TASOR2: variants seen among roughly 807,000 people sequenced by gnomAD.
The protein encoded by TASOR2 is protein TASOR 2.
A neutral mutation model predicts 199.5 loss-of-function variants in TASOR2; 84 were observed. The ratio of observed to expected loss-of-function variants is 0.42; its 90% confidence interval spans 0.35 to 0.50. The LOEUF is 0.50. TASOR2 is among the 20% of genes least tolerant of loss of function. The pLI is 0.02. For synonymous variants in TASOR2, 1,103 were observed against 1,046.6 expected (o/e 1.05, Z -1.04); for missense variants, 2,796 against 2,835.9 (o/e 0.99, Z 0.32).
Position 5,723,737 on chromosome 10 carries a change from A to G in TASOR2, c.207A>G (p.Pro69=), listed in dbSNP as rs781751729. 1.9e-6 allele frequency: 3 copies of G among 1,605,810 alleles called. No individual in the cohort carries two copies. The South Asian group carries it at 3.3e-5, about 18-fold the overall frequency. Residue 69 remains proline (P), a synonymous_variant, in exon 7 of 21, where the codon CCA becomes CCG. Transcript: ENST00000328090. Reference sequence around the variant, plus strand: ...TGTCTTCCTTGAAAAAAAGACTACCAGAGGCTGCCTTCAGAAAACAGAATT... The same window carrying G: ...TGTCTTCCTTGAAAAAAAGACTACCGGAGGCTGCCTTCAGAAAACAGAATT...
intron 17 of TASOR2, among the ~76,000 whole-genome samples, chr10:5,758,607 C>T (rs903305813): frequency 1.3e-5 from 2 of 152,192 alleles, no homozygotes; most frequent in Non-Finnish European, 2.9e-5. Context: ...TCTCTTCTGT[C>T]ACACAATTTG....
At chr10:5,707,778 C>A (rs1831309546) in intron 1 of TASOR2, among the ~76,000 whole-genome samples, 1 of 137,780 alleles carries the variant, frequency 7.3e-6, no homozygotes, top group Non-Finnish European at 1.5e-5. Context: ...ACACACACTT[C>A]TTCTGAACCA....
At chr10:5,734,588 A>ATAGT (rs1835293475) in intron 11 of TASOR2, among the ~76,000 whole-genome samples, 3 of 152,134 alleles carry the variant, frequency 2.0e-5, no homozygotes, top group South Asian at 4.1e-4. Flanking sequence ...CAGTGTGGTT[A>ATAGT]TAGTTTTAAC....
intron 11 of TASOR2, among the ~76,000 whole-genome samples, chr10:5,732,310 G>C (rs549238323): frequency 6.6e-6 from 1 of 152,250 alleles, no homozygotes; most frequent in South Asian, 2.1e-4. Context: ...GGGGCCACTC[G>C]GTTGTGCCTG....
chr10:5,691,912 T>G (rs1380329890), intron 1 of TASOR2, among the ~76,000 whole-genome samples: 1 of 152,210 alleles, frequency 6.6e-6, no homozygotes. Context: ...GCATGTTGGC[T>G]CACGCCTGTA....
At chr10:5,716,214 T>G (rs1832609677) in intron 2 of TASOR2, among the ~76,000 whole-genome samples, 1 of 152,226 alleles carries the variant, frequency 6.6e-6, no homozygotes, top group Admixed American at 6.5e-5. Context: ...AATGTTATAT[T>G]ATACAATGGT....
At chr10:5,728,924 TG>T (rs201170567) in intron 10 of TASOR2, among the ~76,000 whole-genome samples, 3,091 of 149,968 alleles carry the variant, frequency 0.021, 68 homozygotes, top group African/African-American at 0.05. Flanking sequence ...ATTTTATTTT[TG>T]TTTTTTAGTT....
At chr10:5,756,630 A>C (rs1588923272) in exon 16 of TASOR2, 3 of 1,613,444 alleles carry the variant, frequency 1.9e-6, no homozygotes, top group East Asian at 2.2e-5. Flanking sequence ...TGAGGAAAGG[A>C]GGCCATACAG....
intron 1 of TASOR2, among the ~76,000 whole-genome samples, chr10:5,688,357 G>A (rs1836021709): frequency 6.6e-6 from 1 of 151,100 alleles, no homozygotes; most frequent in South Asian, 2.1e-4. Flanking sequence ...GAGTAACTAG[G>A]GCTACAGGCA....
intron 1 of TASOR2, among the ~76,000 whole-genome samples, chr10:5,697,083 C>T (rs988996737): frequency 6.6e-6 from 1 of 152,138 alleles, no homozygotes; most frequent in Non-Finnish European, 1.5e-5. Flanking sequence ...AAGAAGGTGA[C>T]TTTCTAGGTT....
intron 6 of TASOR2, 45 bp downstream of exon 7, chr10:5,721,015 G>T: frequency 6.7e-7 from 1 of 1,499,686 alleles, no homozygotes. Context: ...TATATTACAA[G>T]TTTTGGGGTT....
intron 1 of TASOR2, among the ~76,000 whole-genome samples, chr10:5,691,855 A>G (rs1276170905): frequency 4.6e-5 from 7 of 152,084 alleles, no homozygotes; most frequent in African/African-American, 1.7e-4. Context: ...ATTGGTATCA[A>G]TTTTCCTGAA....
At position 5,731,067 on chromosome 10, in the gene TASOR2, C is replaced by T. The variant is rs549335560; in HGVS notation, c.1068C>T (p.Pro356=). ...AGCCTAAGAGGAAGGCCAGCATGCC[C>T]CACATGGTGCAGAGTAAAAAGGTGA... Residue 356 remains proline (P), a synonymous_variant, in exon 11 of 21, where the codon CCC becomes CCT. Transcript: ENST00000328090. The T allele has an allele frequency of 2.7e-5, 44 of 1,614,042 alleles. No individual in the cohort carries two copies. In the South Asian group the frequency reaches 4.3e-4, roughly 16 times the overall value.
rs1836351794 is a variant in TASOR2 at position 5,690,995 on chromosome 10, A to G, written c.-288+5820A>G. 6.6e-6 allele frequency among the ~76,000 whole-genome samples: 1 copy of G among 152,148 alleles called. No homozygotes were observed. Among genetic ancestry groups the G allele is most frequent in the Non-Finnish European group, 1.5e-5 (1 of 68,028 alleles). The stretch of plus-strand genomic sequence containing the variant: ...ATCACAAGGTCAGGAGATCGAGACC[A>G]TCCTGGCCAACATGGTGAAACCCTG... On this transcript the variant is annotated intron_variant, in intron 1 of 20. Transcript: ENST00000328090. The surrounding 1 kb of genome is among the most constrained non-coding windows in gnomAD (Gnocchi z 4.8).
chr10:5,691,284 A>T (rs1250153703), intron 1 of TASOR2, among the ~76,000 whole-genome samples: 3 of 152,146 alleles, frequency 2.0e-5, no homozygotes, highest in Non-Finnish European at 4.4e-5. Context: ...AGGAGGAAAA[A>T]AATTGTGGTG....
chr10:5,697,932 A>G (rs909947659), intron 1 of TASOR2, among the ~76,000 whole-genome samples: 2 of 152,194 alleles, frequency 1.3e-5, no homozygotes, highest in African/African-American at 4.8e-5. Flanking sequence ...TGAAGATATA[A>G]TTCACATGCC....
Position 5,685,860 on chromosome 10 carries a change from A to G in TASOR2, c.-288+685A>G, listed in dbSNP as rs1431820532. Among the ~76,000 whole-genome samples the G allele has an allele frequency of 6.6e-6, 1 of 152,214 alleles. No individual in the cohort carries two copies. The highest frequency in any genetic ancestry group is 1.5e-5 in the Non-Finnish European group (1 of 68,036). On this transcript the variant is annotated intron_variant, in intron 1 of 20. Transcript: ENST00000328090. The surrounding 1 kb of genome is among the most constrained non-coding windows in gnomAD (Gnocchi z 5.4). ...AAACAAACCACGCTTACTCTTCCTT[A>G]TTCTCCCTGTAAGGTACAATTAGAA...
intron 19 of TASOR2, 24 bp from the exon 21 acceptor site, chr10:5,762,508 G>GAT: frequency 3.3e-5 from 16 of 486,714 alleles, no homozygotes; most frequent in Non-Finnish European, 4.8e-5. Flanking sequence ...TTAACCAAAA[G>GAT]TTGTTTTTTT....
chr10:5,716,598 C>T (rs1832681270), intron 2 of TASOR2, among the ~76,000 whole-genome samples: 1 of 152,022 alleles, frequency 6.6e-6, no homozygotes, highest in Admixed American at 6.6e-5. Context: ...AATATACCTA[C>T]CACCGAAGTT....
Sources: gnomAD v4.1 joint callset for allele counts (sites outside exome capture counted in the v4.1 genomes callset) on GRCh38, gnomAD v4.1.1 for gene constraint, Gnocchi (gnomAD v3.1) non-coding constraint, MANE v1.5 for transcripts, NCBI Gene and HGNC (gene_info 2026-07-23, HGNC 2026-07-21) for gene names.